The following PDZD8 variants were observed in gnomAD, a reference collection of about 807,000 sequenced individuals.
PDZD8 encodes the protein PDZ domain containing 8.
In PDZD8, 14 loss-of-function variants were observed where a neutral mutation model predicts 85.8. The ratio of observed to expected loss-of-function variants is 0.16; its 90% CI spans 0.11 to 0.26. PDZD8 has a LOEUF of 0.26. Among genes scored for constraint, PDZD8 ranks in the 10% least tolerant of loss-of-function variants. The probability of loss-of-function intolerance (pLI) is 1.00; values close to 1 mark genes in which losing one functional copy is unlikely to be tolerated. For missense variants in PDZD8, 1,197 were observed against 1,424.3 expected, an observed-to-expected ratio of 0.84 and a Z score of 2.57; for synonymous variants, 592 against 568.6, an observed-to-expected ratio of 1.04 and a Z score of -0.59.
At chr10:117,306,687 T>TA (rs1564693976) in intron 3 of PDZD8, among the ~76,000 whole-genome samples, 4 of 151,550 alleles carry the variant, frequency 2.6e-5, no homozygotes, top group Admixed American at 6.6e-5. Flanking sequence ...GGTTTTTTTT[T>TA]AAAAAATTAC....
intron 2 of PDZD8, among the ~76,000 whole-genome samples, chr10:117,329,152 A>G (rs1017995888): frequency 1.3e-5 from 2 of 152,250 alleles, no homozygotes; most frequent in Admixed American, 6.5e-5. Context: ...TCACTGGCTA[A>G]TAAATATTTT....
rs1398426802 is a variant in PDZD8 at position 117,280,736 on chromosome 10, TAGC to T, written c.*2529_*2531del. 6.6e-6 allele frequency: 1 copy of T among 152,228 alleles called. No individual in the cohort carries two copies. The highest frequency in any genetic ancestry group is 2.4e-5 in the African/African-American group (1 of 41,458). 9.4% of individuals were successfully genotyped at this position (152,228 alleles called of 1,614,324 possible). A position where few individuals can be genotyped will look rare whatever the true frequency, so the allele number is the denominator to read the frequency against. On this transcript the variant is annotated 3_prime_UTR_variant, in exon 5 of 5. Coordinates refer to ENST00000334464, the MANE Select transcript of PDZD8 (RefSeq NM_173791.5). ...TACAGATATAGTTTACAAATGTCAT[TAGC>T]AGCATTACTGAGCTTTCTATAATTG... is the stretch of plus-strand genomic sequence containing the variant.
In PDZD8 at chr10:117,332,695, T is replaced by C. The variant is rs551513530; in HGVS notation, c.995+8285A>G. 2.6e-5 allele frequency among the ~76,000 whole-genome samples: 4 copies of C among 151,582 alleles called. No homozygotes were observed. The East Asian group carries it at 7.9e-4, about 30-fold the overall frequency. On this transcript the variant is annotated intron_variant, in intron 2 of 4. Transcript: ENST00000334464. ...CTAAGTTTTGTATTTTTAGCAGAAA[T>C]GGGGTTTCTCCATGTTGATCAGGCT... is the stretch of plus-strand genomic sequence containing the variant.
rs771006821 is a variant in PDZD8 at position 117,284,105 on chromosome 10, G to A, written c.2628C>T (p.Cys876=). 6.2e-7 allele frequency: 1 copy of A among 1,613,940 alleles called. No individual in the cohort carries two copies. Among genetic ancestry groups the A allele is most frequent in the Non-Finnish European group, 8.5e-7 (1 of 1,180,016 alleles). The change falls in exon 5 of 5, where the codon TGC becomes TGT. Residue 876 remains cysteine, a synonymous_variant. Transcript: ENST00000334464. The stretch of plus-strand genomic sequence containing the variant: ...GACACTTTTCTTGACATTTTTTATG[G>A]CAAACATAAGCACAAAACATACACT... ...ASQCMFCAYV[C]HKKCQEKCLA... is the part of the protein sequence containing the mutation.
chr10:117,299,844 A>T (rs1417198553), intron 3 of PDZD8, among the ~76,000 whole-genome samples: 3 of 151,976 alleles, frequency 2.0e-5, no homozygotes, highest in Non-Finnish European at 4.4e-5. Flanking sequence ...GTTTGGATCC[A>T]TTGCTGGTGT....
intron 1 of PDZD8, among the ~76,000 whole-genome samples, chr10:117,369,164 AT>A (rs1845144309): frequency 6.7e-6 from 1 of 149,190 alleles, no homozygotes; most frequent in African/African-American, 2.5e-5. Flanking sequence ...TTATTTATTT[AT>A]TTTTACTTTT....
Position 117,278,495 on chromosome 10 carries a change from A to G in PDZD8, c.*4773T>C, listed in dbSNP as rs1844532237. On this transcript the variant is annotated 3_prime_UTR_variant, in exon 5 of 5. Coordinates refer to ENST00000334464, the MANE Select transcript of PDZD8 (RefSeq NM_173791.5). ...TGATGTGCCTTTTCAGTGTAACAGC[A>G]AATACTGTTAGTGAACATTGTCAAT... 6.6e-6 allele frequency: 1 copy of G among 152,250 alleles called. No homozygotes were observed. The highest frequency in any genetic ancestry group is 1.5e-5 in the Non-Finnish European group (1 of 68,040). The allele number at this position is 152,250 out of a possible 1,614,324, so 9.4% of individuals were successfully genotyped here.
intron 1 of PDZD8, among the ~76,000 whole-genome samples, chr10:117,363,946 T>C (rs1048152025): frequency 1.3e-5 from 2 of 152,212 alleles, no homozygotes; most frequent in Non-Finnish European, 2.9e-5. Flanking sequence ...AAGTTTGTTA[T>C]TCTATATCAA....
At chr10:117,355,967 A>T (rs996292735) in intron 1 of PDZD8, among the ~76,000 whole-genome samples, 6 of 152,144 alleles carry the variant, frequency 3.9e-5, no homozygotes, top group Admixed American at 6.5e-5. Flanking sequence ...ATTAAGGTAT[A>T]TCATGTTCTA....
chr10:117,323,257 A>T (rs1844258519), intron 2 of PDZD8, among the ~76,000 whole-genome samples: 1 of 152,218 alleles, frequency 6.6e-6, no homozygotes, highest in African/African-American at 2.4e-5. Context: ...AACAGGATTC[A>T]AAAATAGCTT....
intron 1 of PDZD8, among the ~76,000 whole-genome samples, chr10:117,360,641 G>A (rs1052578091): frequency 2.0e-5 from 3 of 151,834 alleles, no homozygotes; most frequent in East Asian, 1.9e-4. Context: ...ATAGTAAATG[G>A]TGCAGTCAAA....
chr10:117,293,765 A>G (rs1282871683), intron 3 of PDZD8, among the ~76,000 whole-genome samples: 1 of 152,152 alleles, frequency 6.6e-6, no homozygotes, highest in African/African-American at 2.4e-5. Context: ...ATGGCAAAAT[A>G]CATTCTTTTC....
chr10:117,285,540 T>G, intron 4 of PDZD8, 69 bp from the exon 5 acceptor site: 1 of 1,339,734 alleles, frequency 7.5e-7, no homozygotes, highest in Non-Finnish European at 9.9e-7. Flanking sequence ...TTGTTAAATG[T>G]ATTTAATTAA....
rs754435764 is a variant in PDZD8 at position 117,374,358 on chromosome 10, G to C, written c.870C>G (p.Ile290Met). The C allele has an allele frequency of 3.7e-6, 6 of 1,613,136 alleles. No individual in the cohort carries two copies. In the Admixed American group the frequency reaches 6.7e-5, roughly 18 times the overall value. Residue 290 changes from isoleucine to methionine, a missense_variant and splice_region_variant, in exon 1 of 5, where the codon ATC becomes ATG. By Grantham distance (10) the Ile-to-Met change is conservative. Around this residue, in one of 4 missense-constraint regions of PDZD8, gnomAD observed 344 missense variants for 453.6 expected, o/e 0.76. Transcript: ENST00000334464. This position sits in a 1 kb window ranked among gnomAD's most constrained non-coding sequence, Gnocchi z 7.8. ...KRKHTLPNYK[I>M]RFKPFFPYQT... ...CCCCTCCCCGACCTCCAGCTCACCT[G>C]ATCTTGTAATTCGGTAGGGTGTGCT...
chr10:117,321,039 G>A (rs762323780), intron 2 of PDZD8, among the ~76,000 whole-genome samples: 7 of 152,076 alleles, frequency 4.6e-5, no homozygotes, highest in African/African-American at 1.2e-4. Context: ...CTCATACATC[G>A]CTGATGGGAA....
At chr10:117,368,248 C>A (rs1456943104) in intron 1 of PDZD8, among the ~76,000 whole-genome samples, 1 of 152,070 alleles carries the variant, frequency 6.6e-6, no homozygotes, top group Non-Finnish European at 1.5e-5. Context: ...TCTTGCAATT[C>A]AACTTATACA....
chr10:117,361,066 T>C (rs929249076), intron 1 of PDZD8, among the ~76,000 whole-genome samples: 1 of 152,206 alleles, frequency 6.6e-6, no homozygotes, highest in Non-Finnish European at 1.5e-5. Context: ...ACATATTTAA[T>C]TTCTGTAAAA....
rs1844582036 is a variant in PDZD8 at position 117,281,963 on chromosome 10, CCCCAA to C, written c.*1300_*1304del. ...ATAACAGACCGAAACCATTAAGGTA[CCCCAA>C]CAACAGTCGAGCTTACTTGTTTTCC... On this transcript the variant is annotated 3_prime_UTR_variant, in exon 5 of 5. Coordinates refer to ENST00000334464, the MANE Select transcript of PDZD8 (RefSeq NM_173791.5). 1 of 152,142 alleles carries C rather than the reference CCCCAA, an allele frequency of 6.6e-6. No homozygotes were observed. The highest frequency in any genetic ancestry group is 2.1e-4 in the South Asian group (1 of 4,828). The allele number at this position is 152,142 out of a possible 1,614,324, so 9.4% of individuals were successfully genotyped here.
rs567350193 is a variant in PDZD8 at position 117,325,749 on chromosome 10, T to C, written c.996-6775A>G. ...CTTCATCTGTTAGATTACAGCCTGG[T>C]TCACTGTAAGTTTTTATTATCTTCC... On this transcript the variant is annotated intron_variant, in intron 2 of 4. Coordinates refer to ENST00000334464, the MANE Select transcript of PDZD8 (RefSeq NM_173791.5). 3.3e-5 allele frequency among the ~76,000 whole-genome samples: 5 copies of C among 152,270 alleles called. No individual in the cohort carries two copies. In the East Asian group the frequency reaches 9.6e-4, roughly 29 times the overall value.
Sources: allele counts gnomAD v4.1 joint callset (sites outside exome capture counted in the v4.1 genomes callset), GRCh38; gene constraint gnomAD v4.1.1; regional missense constraint gnomAD v4.1.1; non-coding constraint Gnocchi (gnomAD v3.1); transcripts MANE v1.5; gene names NCBI Gene and HGNC (gene_info 2026-07-23, HGNC 2026-07-21).